The following LMAN2 variants were observed in gnomAD, a reference collection of about 807,000 sequenced individuals.
LMAN2 encodes the protein vesicular integral-membrane protein VIP36.
A neutral mutation model predicts 39.3 loss-of-function variants in LMAN2; 22 were observed. That is an observed-to-expected ratio of 0.56 (90% CI 0.40 to 0.80). The LOEUF (loss-of-function observed/expected upper bound fraction) is 0.80, where lower values mean the gene tolerates loss of function less well. LMAN2 is among the 30% of genes least tolerant of loss of function. The probability of loss-of-function intolerance (pLI) is 0.00; values close to 1 mark genes in which losing one functional copy is unlikely to be tolerated. For synonymous variants in LMAN2, 207 were observed against 207.8 expected (o/e 1.00, Z 0.03); for missense variants, 494 against 505.4 (o/e 0.98, Z 0.22).
intron 6 of LMAN2, among the ~76,000 whole-genome samples, chr5:177,336,671 G>A (rs536726175): frequency 2.6e-5 from 4 of 152,200 alleles, no homozygotes; most frequent in African/African-American, 4.8e-5. Flanking sequence ...CTGACATCCC[G>A]ATGGGCAAGA....
Position 177,332,450 on chromosome 5 carries a change from G to C in LMAN2, c.911-204C>G, listed in dbSNP as rs1236001231. Among the ~76,000 whole-genome samples, 3 of 152,132 alleles carry C rather than the reference G, an allele frequency of 2.0e-5. No homozygotes were observed. The highest frequency in any genetic ancestry group is 7.2e-5 in the African/African-American group (3 of 41,426). On this transcript the variant is annotated intron_variant, in intron 7 of 7. Transcript: ENST00000303127. This position sits in a 1 kb window ranked among gnomAD's most constrained non-coding sequence, Gnocchi z 6.3. ...TCCCCAGGGCAGGGTGGGGCAGAGA[G>C]AGGACCAAGCCCACAGGGACCCGGG...
At position 177,331,955 on chromosome 5, in the gene LMAN2, G is replaced by A. The variant is rs188233131; in HGVS notation, c.*131C>T. 51 of 1,128,150 alleles carry A rather than the reference G, an allele frequency of 4.5e-5. No individual in the cohort carries two copies. The East Asian group carries it at 1.2e-3, about 27-fold the overall frequency. 69.9% of individuals were successfully genotyped at this position (1,128,150 alleles called of 1,614,324 possible). A position where few individuals can be genotyped will look rare whatever the true frequency, so the allele number is the denominator to read the frequency against. On this transcript the variant is annotated 3_prime_UTR_variant, in exon 8 of 8. Coordinates refer to ENST00000303127, the MANE Select transcript of LMAN2 (RefSeq NM_006816.3). Reference sequence around the variant, plus strand: ...CTGCTGGGCAAGAAGCAAAATGTATGAAAATACTTTAATCATTTATTTGAA... The same window carrying A: ...CTGCTGGGCAAGAAGCAAAATGTATAAAAATACTTTAATCATTTATTTGAA...
intron 3 of LMAN2, among the ~76,000 whole-genome samples, chr5:177,338,103 C>T (rs568414894): frequency 8.5e-5 from 13 of 152,258 alleles, no homozygotes; most frequent in African/African-American, 2.9e-4. Context: ...GCTCTACCCT[C>T]TATACTAGGG....
At chr5:177,338,640 C>T (rs1339905498) in intron 2 of LMAN2, 35 bp from the exon 3 acceptor site, 9 of 1,585,684 alleles carry the variant, frequency 5.7e-6, no homozygotes, top group Non-Finnish European at 6.1e-6. Context: ...CTCAGAGCTC[C>T]CCAGGGCCTT....
Position 177,332,363 on chromosome 5 carries a change from C to T in LMAN2, c.911-117G>A. 1.1e-6 allele frequency: 1 copy of T among 879,894 alleles called. No homozygotes were observed. Among genetic ancestry groups the T allele is most frequent in the Non-Finnish European group, 1.7e-6 (1 of 574,598 alleles). 54.5% of individuals were successfully genotyped at this position (879,894 alleles called of 1,614,324 possible). A position where few individuals can be genotyped will look rare whatever the true frequency, so the allele number is the denominator to read the frequency against. ...GGCCACGGTGGGCAGGCCGGTCGTA[C>T]TCACCCCCCTCACCGGGGAGGGGCA... On this transcript the variant is annotated intron_variant, in intron 7 of 7. Transcript: ENST00000303127. The surrounding 1 kb of genome is among the most constrained non-coding windows in gnomAD (Gnocchi z 6.3).
At position 177,344,235 on chromosome 5, in the gene LMAN2, A is replaced by AT. The variant is rs1269933197; in HGVS notation, c.316-5631dup. On this transcript the variant is annotated intron_variant, in intron 2 of 7. Transcript: ENST00000303127. Reference sequence around the variant, plus strand: ...CCCCCCCATCTCTAAAAAAAAAAAAATTTTTTTTTAATTTTAAAAACTGGT... The same window carrying AT: ...CCCCCCCATCTCTAAAAAAAAAAAAATTTTTTTTTTAATTTTAAAAACTGGT... Among the ~76,000 whole-genome samples the AT allele has an allele frequency of 8.4e-3, 1,205 of 143,204 alleles. 20 individuals carry two copies. Among genetic ancestry groups the AT allele is most frequent in the African/African-American group, 0.03 (1,151 of 38,178 alleles). 93.9% of individuals were successfully genotyped at this position (143,204 alleles called of 152,430 possible).
At chr5:177,345,785 T>TTTATTTA (rs1258106131) in intron 2 of LMAN2, among the ~76,000 whole-genome samples, 4 of 112,942 alleles carry the variant, frequency 3.5e-5, no homozygotes, top group Admixed American at 1.0e-4. Context: ...TTATTTATTT[T>TTTATTTA]TTGAGACAGT....
chr5:177,332,176 C>T lies in LMAN2; in HGVS notation c.981G>A (p.Leu327=). ...PLTGWRVFLL[L]LCALLGIVVC... Reference sequence around the variant, plus strand: ...CAACGATGCCCAGGAGAGCGCACAGCAGCAGCAGGAACACCCGCCACCCCG... The same window carrying T: ...CAACGATGCCCAGGAGAGCGCACAGTAGCAGCAGGAACACCCGCCACCCCG... Residue 327 remains leucine (L), a synonymous_variant, in exon 8 of 8, where the codon CTG becomes CTA. Coordinates refer to ENST00000303127, the MANE Select transcript of LMAN2 (RefSeq NM_006816.3). The surrounding 1 kb of genome is among the most constrained non-coding windows in gnomAD (Gnocchi z 6.3). The T allele has an allele frequency of 6.2e-7, 1 of 1,613,650 alleles. No individual in the cohort carries two copies. Among genetic ancestry groups the T allele is most frequent in the Non-Finnish European group, 8.5e-7 (1 of 1,179,956 alleles).
chr5:177,349,814 C>T (rs566222808), intron 2 of LMAN2, among the ~76,000 whole-genome samples: 2 of 152,182 alleles, frequency 1.3e-5, no homozygotes, highest in South Asian at 2.1e-4. Flanking sequence ...GAATGTGACT[C>T]GGGGGAGATA....
intron 6 of LMAN2, among the ~76,000 whole-genome samples, chr5:177,335,921 A>G (rs903376568): frequency 5.3e-5 from 8 of 152,118 alleles, no homozygotes; most frequent in Admixed American, 2.0e-4. Context: ...AGAAACCGAG[A>G]ACCACAGCCA....
At chr5:177,334,145 T>A in intron 7 of LMAN2, 139 bp downstream of exon 7, 1 of 1,407,728 alleles carries the variant, frequency 7.1e-7, no homozygotes, top group East Asian at 2.4e-5. Flanking sequence ...CAGTGCCGCT[T>A]GCCAGGACCG....
intron 2 of LMAN2, among the ~76,000 whole-genome samples, chr5:177,339,546 G>A (rs11749830): frequency 0.34 from 51,212 of 152,022 alleles, 9,063 homozygotes; most frequent in African/African-American, 0.42. Context: ...CAACACACAC[G>A]GTGACAAGAA....
rs926552074 is a variant in LMAN2, at chr5:177,337,402, G to A, written c.636C>T (p.Asp212=). 1 of 1,612,794 alleles carries A rather than the reference G, an allele frequency of 6.2e-7. No individual in the cohort carries two copies. Among genetic ancestry groups the A allele is most frequent in the African/African-American group, 1.3e-5 (1 of 74,950 alleles). ...GGGAGTAGCGCACAGCCAGGAAGGT[G>A]TCGTGATCGCGGTTGCGGAAGTCAG... The part of the protein sequence containing the change: ...CTADFRNRDH[D]TFLAVRYSRG... The change falls in exon 5 of 8, where the codon GAC becomes GAT. Residue 212 remains aspartate (D), a synonymous_variant. Coordinates refer to ENST00000303127, the MANE Select transcript of LMAN2 (RefSeq NM_006816.3). The surrounding 1 kb of genome is among the most constrained non-coding windows in gnomAD (Gnocchi z 8.2).
At chr5:177,351,040 G>A (rs1761714552) in intron 2 of LMAN2, 133 bp downstream of exon 2, 2 of 767,516 alleles carry the variant, frequency 2.6e-6, no homozygotes, top group Non-Finnish European at 4.7e-6. Context: ...ATTATTGGTG[G>A]GTGTGACCGA....
chr5:177,336,809 A>G (rs2127314891), intron 6 of LMAN2: 1 of 426,012 alleles, frequency 2.3e-6, no homozygotes, highest in East Asian at 5.2e-5. Context: ...AAGGTTGCCA[A>G]GGGACCGTTC....
intron 6 of LMAN2, among the ~76,000 whole-genome samples, chr5:177,334,867 C>T (rs1246756244): frequency 2.0e-5 from 3 of 152,196 alleles, no homozygotes; most frequent in East Asian, 1.9e-4. Context: ...GGGCAGGAGC[C>T]ACCAGACATT....
chr5:177,335,028 C>T (rs1399968647), intron 6 of LMAN2, among the ~76,000 whole-genome samples: 2 of 152,208 alleles, frequency 1.3e-5, no homozygotes, highest in African/African-American at 2.4e-5. Flanking sequence ...TGGCTTGACG[C>T]TGATGGATCA....
At chr5:177,335,516 G>A (rs1040615142) in intron 6 of LMAN2, among the ~76,000 whole-genome samples, 6 of 152,116 alleles carry the variant, frequency 3.9e-5, no homozygotes, top group African/African-American at 1.2e-4. Context: ...AGCTGCCACC[G>A]GCCACAGCAC....
intron 1 of LMAN2, 49 bp downstream of exon 1, chr5:177,351,403 G>A: frequency 1.2e-6 from 2 of 1,606,382 alleles, no homozygotes; most frequent in Non-Finnish European, 1.7e-6. Context: ...CCCTAGCCCT[G>A]TTCAGCCTCG....
Sources: gnomAD v4.1 joint callset for allele counts (sites outside exome capture counted in the v4.1 genomes callset) on GRCh38, gnomAD v4.1.1 for gene constraint, Gnocchi (gnomAD v3.1) non-coding constraint, MANE v1.5 for transcripts, NCBI Gene and HGNC (gene_info 2026-07-23, HGNC 2026-07-21) for gene names.